The following DENND1B variants were observed in gnomAD, a reference collection of about 807,000 sequenced individuals.
DENND1B encodes DENN domain-containing protein 1B.
DENND1B carries 59 observed loss-of-function variants against 90.1 expected under a neutral mutation model. That is an observed-to-expected ratio of 0.65 (90% CI 0.53 to 0.81). The LOEUF (loss-of-function observed/expected upper bound fraction) is 0.81, where lower values mean the gene tolerates loss of function less well. Among genes scored for constraint, DENND1B ranks in the 40% least tolerant of loss-of-function variants. The pLI, the probability that DENND1B is intolerant of heterozygous loss-of-function variation, is 0.00. For missense variants in DENND1B, 862 were observed against 912.6 expected (o/e 0.94, Z 0.71); for synonymous variants, 337 against 324.6 (o/e 1.04, Z -0.41).
intron 5 of DENND1B, among the ~76,000 whole-genome samples, chr1:197,660,108 A>G (rs1654258697): frequency 6.6e-6 from 1 of 151,972 alleles, no homozygotes; most frequent in Non-Finnish European, 1.5e-5. Context: ...ACAGGAAGAA[A>G]GAGCTTTAAG....
chr1:197,608,671 T>C (rs1418275540), intron 12 of DENND1B, among the ~76,000 whole-genome samples: 4 of 150,566 alleles, frequency 2.7e-5, no homozygotes, highest in Non-Finnish European at 4.5e-5. Context: ...ATGTATTTGT[T>C]AAGGGATAAA....
At chr1:197,780,928 G>A in the DENND1B span, among the ~76,000 whole-genome samples, 1 of 152,018 alleles carries the variant, frequency 6.6e-6, no homozygotes, top group African/African-American at 2.4e-5. Flanking sequence ...CTTTTAGTGA[G>A]CCAACTGCCC....
At chr1:197,763,284 A>AT (rs1165309800) in intron 2 of DENND1B, among the ~76,000 whole-genome samples, 3 of 152,170 alleles carry the variant, frequency 2.0e-5, no homozygotes, top group South Asian at 2.1e-4. Flanking sequence ...TTTTATATAT[A>AT]TTTTTTTATT....
At chr1:197,719,308 G>T (rs1488024595) in intron 2 of DENND1B, among the ~76,000 whole-genome samples, 1 of 152,090 alleles carries the variant, frequency 6.6e-6, no homozygotes, top group Non-Finnish European at 1.5e-5. Context: ...GGGAATTCAT[G>T]AGCTAGCAGA....
chr1:197,555,907 A>G (rs1288912479), intron 15 of DENND1B, among the ~76,000 whole-genome samples: 1 of 152,092 alleles, frequency 6.6e-6, no homozygotes, highest in Non-Finnish European at 1.5e-5. Context: ...TTGCATTTGT[A>G]TGTTTATCCC....
intron 5 of DENND1B, among the ~76,000 whole-genome samples, chr1:197,670,443 C>CTGTGTGTGTGTGTG (rs60648023): frequency 0.12 from 11,658 of 99,324 alleles, 1,162 homozygotes; most frequent in East Asian, 0.18. Flanking sequence ...GGGGGGAAGA[C>CTGTGTGTGTGTGTG]TGTGTGTGTG....
chr1:197,657,418 A>G (rs1446463780), intron 6 of DENND1B, among the ~76,000 whole-genome samples: 1 of 152,100 alleles, frequency 6.6e-6, no homozygotes, highest in East Asian at 1.9e-4. Flanking sequence ...CCAGGTTGTA[A>G]TTTTCTGTCT....
rs1668126048 is a variant in DENND1B, at chr1:197,512,861, CATTA to C, written c.1598+6_1598+9del. ...TTCCACTTAATAGGACACCAAAATC[CATTA>C]CTTACTTGCTTGCTCTTTCAATGTC... On this transcript the variant is annotated splice_donor_region_variant and intron_variant, in intron 21 of 22. Coordinates refer to ENST00000620048, the MANE Select transcript of DENND1B (RefSeq NM_001195215.2). 1.9e-6 allele frequency: 3 copies of C among 1,609,136 alleles called. No individual in the cohort carries two copies. The highest frequency in any genetic ancestry group is 4.5e-5 in the East Asian group (2 of 44,724).
In DENND1B at chr1:197,566,810, T is replaced by A. The variant is rs558926905; in HGVS notation, c.1150-13698A>T. 2.2e-4 allele frequency among the ~76,000 whole-genome samples: 33 copies of A among 151,442 alleles called. No individual in the cohort carries two copies. The South Asian group carries it at 5.9e-3, about 27-fold the overall frequency. ...AAGTATGAGAGGTAAAAAAAAAAAA[T>A]TCCTGGAAAAGGTGTATCTGAGCTT... On this transcript the variant is annotated intron_variant, in intron 15 of 22. Transcript: ENST00000620048.
At position 197,692,915 on chromosome 1, in the gene DENND1B, C is replaced by T. The variant is rs189794690; in HGVS notation, c.127-18746G>A. Among the ~76,000 whole-genome samples, 169 of 151,808 alleles carry T rather than the reference C, an allele frequency of 1.1e-3. 1 individual carries two copies. The highest frequency in any genetic ancestry group is 3.4e-3 in the Middle Eastern group (1 of 294). The stretch of plus-strand genomic sequence containing the variant: ...CATCATCCTCTTCCTGAACTCCAGT[C>T]AGAGGTTTCCTTCTACTTAGAAGAT... On this transcript the variant is annotated intron_variant, in intron 3 of 22. Transcript: ENST00000620048.
chr1:197,507,828 A>G lies in DENND1B; in HGVS notation c.*2632T>C, dbSNP rs552258057. The G allele has an allele frequency of 6.6e-6, 1 of 151,742 alleles. No individual in the cohort carries two copies. Among genetic ancestry groups the G allele is most frequent in the East Asian group, 2.0e-4 (1 of 5,100 alleles). The allele number at this position is 151,742 out of a possible 1,614,324, so 9.4% of individuals were successfully genotyped here. On this transcript the variant is annotated 3_prime_UTR_variant, in exon 23 of 23. Transcript: ENST00000620048. ...AGTCTAAGTTTAAGAGCAGACTTTG[A>G]ATATTCAAAATTTTACTGGTTTGAA...
intron 2 of DENND1B, among the ~76,000 whole-genome samples, chr1:197,728,484 C>A (rs1230249742): frequency 1.3e-5 from 2 of 152,186 alleles, no homozygotes; most frequent in Admixed American, 1.3e-4. Flanking sequence ...GTGTCCAACA[C>A]TGAATCATAT....
intron 2 of DENND1B, among the ~76,000 whole-genome samples, chr1:197,724,201 G>A (rs952038061): frequency 6.6e-6 from 1 of 151,864 alleles, no homozygotes; most frequent in African/African-American, 2.4e-5. Context: ...ATGACTTAAA[G>A]TTCACTAACA....
At chr1:197,519,934 TGG>T (rs1490241748) in intron 20 of DENND1B, among the ~76,000 whole-genome samples, 34 of 151,686 alleles carry the variant, frequency 2.2e-4, no homozygotes, top group African/African-American at 8.2e-4. Flanking sequence ...AGGCAAAAGC[TGG>T]AAATTTAAAT....
intron 6 of DENND1B, among the ~76,000 whole-genome samples, chr1:197,653,793 A>G (rs1020439188): frequency 6.6e-6 from 1 of 152,132 alleles, no homozygotes; most frequent in African/African-American, 2.4e-5. Context: ...AAGAGTTACT[A>G]AAAGTTACTA....
intron 16 of DENND1B, among the ~76,000 whole-genome samples, chr1:197,549,549 A>C (rs1671063953): frequency 6.6e-6 from 1 of 152,034 alleles, no homozygotes; most frequent in Non-Finnish European, 1.5e-5. Flanking sequence ...AACTAGTTTT[A>C]TTTTAAATGA....
intron 13 of DENND1B, among the ~76,000 whole-genome samples, chr1:197,595,728 C>T (rs1362715990): frequency 6.6e-6 from 1 of 152,018 alleles, no homozygotes; most frequent in Non-Finnish European, 1.5e-5. Flanking sequence ...TGTTACAGGT[C>T]CTCCAGGATC....
At chr1:197,615,396 C>A (rs1385488303) in intron 11 of DENND1B, among the ~76,000 whole-genome samples, 1 of 151,036 alleles carries the variant, frequency 6.6e-6, no homozygotes, top group Non-Finnish European at 1.5e-5. Flanking sequence ...CACACCAGAG[C>A]TACCAGTTGC....
chr1:197,540,346 T>C (rs911748315), intron 19 of DENND1B, among the ~76,000 whole-genome samples: 1 of 151,922 alleles, frequency 6.6e-6, no homozygotes, highest in African/African-American at 2.4e-5. Context: ...ATAATCTGAA[T>C]AAAATTTATA....
Sources: gnomAD v4.1 joint callset for allele counts (sites outside exome capture counted in the v4.1 genomes callset) on GRCh38, gnomAD v4.1.1 for gene constraint, MANE v1.5 for transcripts, NCBI Gene and HGNC (gene_info 2026-07-23, HGNC 2026-07-21) for gene names.